PHF2: variants seen among roughly 807,000 people sequenced by gnomAD.
PHF2 encodes PHD finger protein 2, also known as lysine-specific demethylase PHF2.
A neutral mutation model predicts 120.5 loss-of-function variants in PHF2; 27 were observed. That is an observed-to-expected ratio of 0.22 (90% CI 0.17 to 0.31). The LOEUF is 0.31. Among genes scored for constraint, PHF2 ranks in the 10% least tolerant of loss-of-function variants. The pLI, the probability that PHF2 is intolerant of heterozygous loss-of-function variation, is 1.00. For synonymous variants in PHF2, 568 were observed against 592.5 expected (o/e 0.96, Z 0.60); for missense variants, 1,024 against 1,434.8 (o/e 0.71, Z 4.63).
intron 1 of PHF2, among the ~76,000 whole-genome samples, chr9:93,600,983 GT>G (rs1196199716): frequency 6.6e-6 from 1 of 152,244 alleles, no homozygotes; most frequent in African/African-American, 2.4e-5. Flanking sequence ...AATGTTAAGA[GT>G]GACTTCAGAG....
rs1417256086 is a variant in PHF2, at chr9:93,678,910, T to C, written c.*1234T>C. 6.0e-6 allele frequency: 1 copy of C among 167,578 alleles called. No homozygotes were observed. The highest frequency in any genetic ancestry group is 1.3e-5 in the Non-Finnish European group (1 of 77,264). 10.4% of individuals were successfully genotyped at this position (167,578 alleles called of 1,614,324 possible). On this transcript the variant is annotated 3_prime_UTR_variant, in exon 22 of 22. Transcript: ENST00000359246. The stretch of plus-strand genomic sequence containing the variant: ...TTCTTTTAAGAACTAAGGTATTGCC[T>C]GAAAAACAAGTGATGTCTGTGCAGC...
chr9:93,629,875 A>G (rs973357930), intron 1 of PHF2, 95 bp from the exon 2 acceptor site: 2 of 1,224,092 alleles, frequency 1.6e-6, no homozygotes, highest in East Asian at 4.7e-5. Context: ...AGGTTCCCAG[A>G]CAATGAGCAG....
intron 1 of PHF2, among the ~76,000 whole-genome samples, chr9:93,577,542 G>C (rs551693560): frequency 3.3e-5 from 5 of 152,266 alleles, no homozygotes; most frequent in African/African-American, 1.2e-4. Flanking sequence ...GCAGGTCCGC[G>C]GGCAGGAGTG....
intron 1 of PHF2, among the ~76,000 whole-genome samples, chr9:93,578,750 G>A (rs974502422): frequency 6.6e-6 from 1 of 152,234 alleles, no homozygotes; most frequent in African/African-American, 2.4e-5. Context: ...GAGCTGGCCT[G>A]AGAGCTGGTT....
In PHF2 at chr9:93,649,891, A is replaced by G. The variant is rs574722145; in HGVS notation, c.602+679A>G. On this transcript the variant is annotated intron_variant, in intron 5 of 21. Transcript: ENST00000359246. ...GGACACACTTGTCAACACACTCGTG[A>G]CACAACACACCAACACTCATAGACA... 1.5e-4 allele frequency among the ~76,000 whole-genome samples: 22 copies of G among 147,276 alleles called. No individual in the cohort carries two copies. The East Asian group carries it at 2.1e-3, about 14-fold the overall frequency.
At chr9:93,649,581 A>G (rs979400420) in intron 5 of PHF2, among the ~76,000 whole-genome samples, 8 of 152,038 alleles carry the variant, frequency 5.3e-5, no homozygotes, top group African/African-American at 1.9e-4. Context: ...GCACACACTC[A>G]TGACACACTC....
At chr9:93,608,836 A>G (rs1324919390) in intron 1 of PHF2, among the ~76,000 whole-genome samples, 1 of 151,876 alleles carries the variant, frequency 6.6e-6, no homozygotes, top group African/African-American at 2.4e-5. Context: ...TTTGTTTTTT[A>G]ATCCACTCTA....
rs10992858 is a variant in PHF2, at chr9:93,676,753, A to G, written c.2992A>G (p.Thr998Ala). The G allele has an allele frequency of 9.8e-6, 10 of 1,016,012 alleles. No individual in the cohort carries two copies. The highest frequency in any genetic ancestry group is 3.5e-5 in the East Asian group (1 of 28,844). The allele number at this position is 1,016,012 out of a possible 1,614,324, so 62.9% of individuals were successfully genotyped here. Residue 998 changes from threonine (T) to alanine (A), a missense_variant, in exon 21 of 22, where the codon ACG becomes GCG. Physicochemically the swap from Thr to Ala is moderately conservative, Grantham distance 58 (BLOSUM62 0). Around this residue, in one of 2 missense-constraint regions of PHF2, gnomAD observed 677 missense variants for 857.4 expected, o/e 0.79. Transcript: ENST00000359246. ...PASTTPASTS[T>A]ASSQASQEGS... ...CTCCACCACCCCGGCCTCCACCAGC[A>G]CGGCCAGCAGCCAGGCCTCGCAGGA... is the stretch of plus-strand genomic sequence containing the variant.
At chr9:93,609,065 A>G (rs937557837) in intron 1 of PHF2, among the ~76,000 whole-genome samples, 3 of 151,014 alleles carry the variant, frequency 2.0e-5, no homozygotes, top group African/African-American at 7.3e-5. Context: ...CAGCATATCA[A>G]TAACGCTTTT....
rs185370894 is a variant in PHF2 at position 93,630,415 on chromosome 9, C to T, written c.184+360C>T. Among the ~76,000 whole-genome samples, 417 of 152,306 alleles carry T rather than the reference C, an allele frequency of 2.7e-3. 1 individual carries two copies. The highest frequency in any genetic ancestry group is 1.8e-3 in the Non-Finnish European group (120 of 68,020). ...TTTTCTAGGGGCCCCCAGCCTAGCC[C>T]GGCCCAGCCAGCCACTGCTACACGG... is the stretch of plus-strand genomic sequence containing the variant. On this transcript the variant is annotated intron_variant, in intron 2 of 21. Transcript: ENST00000359246.
At chr9:93,617,012 A>G (rs1030342763) in intron 1 of PHF2, among the ~76,000 whole-genome samples, 1 of 152,166 alleles carries the variant, frequency 6.6e-6, no homozygotes, top group Admixed American at 6.5e-5. Context: ...CATTAAATGA[A>G]TGTTCTTAAC....
chr9:93,576,904 G>T (rs1257858787), intron 1 of PHF2, 33 bp downstream of exon 1: 17 of 900,780 alleles, frequency 1.9e-5, no homozygotes, highest in South Asian at 2.8e-5. Flanking sequence ...GCTCGGCCCG[G>T]CCCGGCCCGG....
chr9:93,655,829 C>A, intron 7 of PHF2, 105 bp from the exon 8 acceptor site: 1 of 762,882 alleles, frequency 1.3e-6, no homozygotes, highest in Non-Finnish European at 2.2e-6. Context: ...CTGGGCTGGG[C>A]CGGGAAAGGC....
intron 18 of PHF2, among the ~76,000 whole-genome samples, 178 bp from the exon 19 acceptor site, chr9:93,674,749 G>A (rs2118145042): frequency 6.6e-6 from 1 of 152,232 alleles, no homozygotes; most frequent in East Asian, 1.9e-4. Flanking sequence ...CCCATGCCTG[G>A]GGTGTCCTCA....
intron 1 of PHF2, among the ~76,000 whole-genome samples, chr9:93,621,990 C>G (rs985947188): frequency 1.3e-5 from 2 of 152,176 alleles, no homozygotes; most frequent in Non-Finnish European, 2.9e-5. Flanking sequence ...TGGGGACGTG[C>G]CCAACCACCT....
Position 93,636,539 on chromosome 9 carries a change from C to T in PHF2, c.299+14C>T. 1 of 1,535,308 alleles carries T rather than the reference C, an allele frequency of 6.5e-7. No individual in the cohort carries two copies. Among genetic ancestry groups the T allele is most frequent in the Non-Finnish European group, 8.9e-7 (1 of 1,127,836 alleles). ...GACCTTTCCCAGGTGGGCTGGCCTT[C>T]CTGTATGCTCCACCACCTGCAGCCA... On this transcript the variant is annotated intron_variant, in intron 3 of 21. Transcript: ENST00000359246.
rs1826857443 is a variant in PHF2, at chr9:93,673,904, C to T, written c.2626+42C>T. Reference sequence around the variant, plus strand: ...CGTGGGGCAGGGCCCATGCTCAGCCCTAGAAGGCCTGGCTGAGAATGGAGA... The same window carrying T: ...CGTGGGGCAGGGCCCATGCTCAGCCTTAGAAGGCCTGGCTGAGAATGGAGA... On this transcript the variant is annotated intron_variant, in intron 18 of 21. Coordinates refer to ENST00000359246, the MANE Select transcript of PHF2 (RefSeq NM_005392.4). 2.6e-6 allele frequency: 4 copies of T among 1,515,816 alleles called. No homozygotes were observed. The South Asian group carries it at 5.2e-5, about 20-fold the overall frequency. The allele number at this position is 1,515,816 out of a possible 1,614,324, so 93.9% of individuals were successfully genotyped here. A position where few individuals can be genotyped will look rare whatever the true frequency, so the allele number is the denominator to read the frequency against.
Position 93,593,368 on chromosome 9 carries a change from A to G in PHF2, c.98+16497A>G, listed in dbSNP as rs528639710. ...CCTATTTCTGTTAATATGACCTCGG[A>G]CTACATTTGCTCTCTGGTCAAATTT... On this transcript the variant is annotated intron_variant, in intron 1 of 21. Coordinates refer to ENST00000359246, the MANE Select transcript of PHF2 (RefSeq NM_005392.4). 3.2e-4 allele frequency among the ~76,000 whole-genome samples: 49 copies of G among 152,240 alleles called. No homozygotes were observed. In the South Asian group the frequency reaches 5.6e-3, roughly 17 times the overall value.
At chr9:93,603,032 G>T (rs1443288458) in intron 1 of PHF2, among the ~76,000 whole-genome samples, 1 of 152,060 alleles carries the variant, frequency 6.6e-6, no homozygotes, top group Non-Finnish European at 1.5e-5. Context: ...GCGCGGAGGT[G>T]GGGGCCAAGA....
Sources: gnomAD v4.1 joint callset for allele counts (sites outside exome capture counted in the v4.1 genomes callset) on GRCh38, gnomAD v4.1.1 for gene constraint, gnomAD v4.1.1 regional missense constraint, MANE v1.5 for transcripts, NCBI Gene and HGNC (gene_info 2026-07-23, HGNC 2026-07-21) for gene names.